ROR1: variants seen among roughly 807,000 people sequenced by gnomAD.
ROR1 encodes the protein ROR family WNT receptor 1.
A neutral mutation model predicts 78.8 loss-of-function variants in ROR1; 19 were observed. That is an observed-to-expected ratio of 0.24 (90% CI 0.17 to 0.35). ROR1 has a LOEUF of 0.35. ROR1 is among the 10% of genes least tolerant of loss of function. The pLI, the probability that ROR1 is intolerant of heterozygous loss-of-function variation, is 1.00. For missense variants in ROR1, 917 were observed against 1,177.8 expected (o/e 0.78, Z 3.24); for synonymous variants, 386 against 433.6 (o/e 0.89, Z 1.36).
intron 2 of ROR1, among the ~76,000 whole-genome samples, chr1:64,024,207 G>A (rs570306889): frequency 6.6e-5 from 10 of 152,270 alleles, no homozygotes; most frequent in East Asian, 5.8e-4. Context: ...GGAGCTGGGC[G>A]CAGTGGCTCA....
At chr1:64,035,855 AC>A (rs1483227823) in intron 2 of ROR1, among the ~76,000 whole-genome samples, 6 of 151,862 alleles carry the variant, frequency 4.0e-5, no homozygotes, top group Non-Finnish European at 5.9e-5. Context: ...TTCACAAGAA[AC>A]CCTTGCATCC....
At chr1:63,982,541 A>T (rs1280808073) in intron 1 of ROR1, among the ~76,000 whole-genome samples, 1 of 152,184 alleles carries the variant, frequency 6.6e-6, no homozygotes, top group African/African-American at 2.4e-5. Context: ...AACCAAAGCC[A>T]TTAGTAAGGT....
At position 63,871,971 on chromosome 1, in the gene ROR1, T is replaced by C. The variant is rs373308688; in HGVS notation, c.91+97463T>C. On this transcript the variant is annotated intron_variant, in intron 1 of 8. Transcript: ENST00000371079. ...ATATTGAGTCCCTAATTTACACTAATGAGATGCTGTTGAGATTTAACGCCA... is the reference window on the plus strand; with the variant it reads ...ATATTGAGTCCCTAATTTACACTAACGAGATGCTGTTGAGATTTAACGCCA... 2.0e-4 allele frequency among the ~76,000 whole-genome samples: 31 copies of C among 152,340 alleles called. No homozygotes were observed. The South Asian group carries it at 6.4e-3, about 32-fold the overall frequency.
At chr1:63,968,965 A>C (rs1646097408) in intron 1 of ROR1, among the ~76,000 whole-genome samples, 1 of 152,202 alleles carries the variant, frequency 6.6e-6, no homozygotes, top group Non-Finnish European at 1.5e-5. Context: ...ATTAAATAGG[A>C]GCTTCCTTGG....
At chr1:63,943,979 A>G (rs1410362585) in intron 1 of ROR1, among the ~76,000 whole-genome samples, 4 of 152,124 alleles carry the variant, frequency 2.6e-5, no homozygotes, top group African/African-American at 9.7e-5. Context: ...TCATTTACTC[A>G]TTGCATTTTG....
At chr1:64,162,381 A>G (rs1381911624) in intron 8 of ROR1, among the ~76,000 whole-genome samples, 2 of 152,222 alleles carry the variant, frequency 1.3e-5, no homozygotes, top group Non-Finnish European at 2.9e-5. Context: ...CTGCCGACAG[A>G]CTGGCTGACG....
At chr1:64,085,672 C>T (rs1471010982) in intron 4 of ROR1, among the ~76,000 whole-genome samples, 7 of 152,132 alleles carry the variant, frequency 4.6e-5, no homozygotes, top group Admixed American at 4.6e-4. Context: ...GCAAGGAGGG[C>T]AGACCTGGAG....
intron 1 of ROR1, among the ~76,000 whole-genome samples, chr1:63,886,446 T>C (rs855850): frequency 0.9 from 137,074 of 152,204 alleles, 61,965 homozygotes; most frequent in East Asian, 1. Context: ...ATGGATATTA[T>C]ACACATGGTT....
intron 4 of ROR1, among the ~76,000 whole-genome samples, chr1:64,081,800 C>A (rs981075069): frequency 2.2e-5 from 3 of 137,394 alleles, no homozygotes; most frequent in East Asian, 3.9e-4. Context: ...AAATATAACA[C>A]CCCCCACACA....
intron 2 of ROR1, among the ~76,000 whole-genome samples, chr1:64,035,898 T>A (rs1193043301): frequency 6.6e-6 from 1 of 152,152 alleles, no homozygotes; most frequent in African/African-American, 2.4e-5. Flanking sequence ...CTCGTCTGCT[T>A]TTCCTCACCC....
At chr1:64,176,590 C>T (rs769666182) in intron 8 of ROR1, among the ~76,000 whole-genome samples, 32 of 152,174 alleles carry the variant, frequency 2.1e-4, no homozygotes, top group Non-Finnish European at 4.0e-4. Context: ...CTTGTGTAAC[C>T]AGCCACCACA....
intron 7 of ROR1, among the ~76,000 whole-genome samples, chr1:64,151,044 A>G (rs1649607664): frequency 1.3e-5 from 2 of 152,226 alleles, no homozygotes; most frequent in Admixed American, 6.5e-5. Context: ...TTTGTAACAA[A>G]CTGTTTTTTG....
rs190882746 is a variant in ROR1, at chr1:63,783,079, G to A, written c.91+8571G>A. On this transcript the variant is annotated intron_variant, in intron 1 of 8. Coordinates refer to ENST00000371079, the MANE Select transcript of ROR1 (RefSeq NM_005012.4). ...CTGCTCTGGGGGTCTCCATGGACTC[G>A]CTGAGACTATCCTGAGTTCTTAAAC... 4.6e-5 allele frequency among the ~76,000 whole-genome samples: 7 copies of A among 152,272 alleles called. No individual in the cohort carries two copies. The East Asian group carries it at 5.8e-4, about 13-fold the overall frequency.
At chr1:64,038,981 T>C (rs58128597) in intron 2 of ROR1, among the ~76,000 whole-genome samples, 8,303 of 152,252 alleles carry the variant, frequency 0.055, 315 homozygotes, top group Non-Finnish European at 0.081. Context: ...GCTTTTCTGT[T>C]TTCTTGAAAA....
chr1:63,826,493 T>C (rs893497611), intron 1 of ROR1, among the ~76,000 whole-genome samples: 1 of 152,150 alleles, frequency 6.6e-6, no homozygotes, highest in Admixed American at 6.5e-5. Context: ...TAGTCTATCA[T>C]TGATGGGTAT....
intron 1 of ROR1, among the ~76,000 whole-genome samples, chr1:63,862,870 T>C (rs1174507160): frequency 2.0e-5 from 3 of 152,200 alleles, no homozygotes; most frequent in Non-Finnish European, 4.4e-5. Flanking sequence ...AAGAAGACTT[T>C]TAAAAATTAA....
chr1:63,961,349 G>A (rs1646026034), intron 1 of ROR1, among the ~76,000 whole-genome samples: 2 of 152,102 alleles, frequency 1.3e-5, no homozygotes, highest in African/African-American at 4.8e-5. Context: ...ATATCCAAAG[G>A]AAACAAAATC....
chr1:63,943,888 C>T (rs750010193), intron 1 of ROR1, among the ~76,000 whole-genome samples: 1 of 152,096 alleles, frequency 6.6e-6, no homozygotes, highest in Non-Finnish European at 1.5e-5. Context: ...ACTGTAAATA[C>T]CAGAGTTTAT....
intron 1 of ROR1, among the ~76,000 whole-genome samples, chr1:63,976,693 C>T (rs1646163959): frequency 6.6e-6 from 1 of 152,110 alleles, no homozygotes; most frequent in African/African-American, 2.4e-5. Flanking sequence ...TGCTCATTAG[C>T]ACCTTCAAAT....
Sources: allele counts gnomAD v4.1 joint callset (sites outside exome capture counted in the v4.1 genomes callset), GRCh38; gene constraint gnomAD v4.1.1; transcripts MANE v1.5; gene names NCBI Gene and HGNC (gene_info 2026-07-23, HGNC 2026-07-21).